MNAT1: variants seen among roughly 807,000 people sequenced by gnomAD.
The protein encoded by MNAT1 is MNAT1 component of CDK activating kinase.
A neutral mutation model predicts 42.0 loss-of-function variants in MNAT1; 43 were observed. The ratio of observed to expected loss-of-function variants is 1.02; its 90% CI spans 0.80 to 1.32. MNAT1 has a LOEUF of 1.32. Among genes scored for constraint, MNAT1 ranks in the 40% most tolerant of loss-of-function variants. The probability of loss-of-function intolerance (pLI) is 0.00; values close to 1 mark genes in which losing one functional copy is unlikely to be tolerated. For synonymous variants in MNAT1, 118 were observed against 120.0 expected, an observed-to-expected ratio of 0.98 and a Z score of 0.11; for missense variants, 306 against 350.4, an observed-to-expected ratio of 0.87 and a Z score of 1.01.
At chr14:60,914,353 T>G (rs1292835125) in intron 7 of MNAT1, among the ~76,000 whole-genome samples, 1 of 151,990 alleles carries the variant, frequency 6.6e-6, no homozygotes, top group Non-Finnish European at 1.5e-5. Context: ...GTCCGGCACT[T>G]CCCTGTGAGA....
chr14:60,880,439 T>C (rs971974843), intron 7 of MNAT1, among the ~76,000 whole-genome samples: 1 of 152,174 alleles, frequency 6.6e-6, no homozygotes, highest in Non-Finnish European at 1.5e-5. Flanking sequence ...CAGGCACAGA[T>C]GTTGCTAGAT....
intron 1 of MNAT1, among the ~76,000 whole-genome samples, chr14:60,762,647 A>T (rs951889469): frequency 1.4e-5 from 2 of 138,442 alleles, no homozygotes; most frequent in Non-Finnish European, 3.0e-5. Context: ...CGGAGGCTGC[A>T]GTGAGCAGAG....
chr14:60,893,067 T>TA (rs1001465366), intron 7 of MNAT1, among the ~76,000 whole-genome samples: 1 of 152,118 alleles, frequency 6.6e-6, no homozygotes, highest in African/African-American at 2.4e-5. Flanking sequence ...TCTTAAATCT[T>TA]ACAATGTTAT....
intron 7 of MNAT1, among the ~76,000 whole-genome samples, chr14:60,883,754 C>T (rs1594831031): frequency 1.3e-5 from 2 of 151,794 alleles, no homozygotes; most frequent in South Asian, 4.1e-4. Context: ...CAATTTTTTG[C>T]GTCAGTATTT....
intron 6 of MNAT1, among the ~76,000 whole-genome samples, chr14:60,873,971 G>A (rs1028598617): frequency 6.6e-6 from 1 of 152,022 alleles, no homozygotes; most frequent in African/African-American, 2.4e-5. Context: ...GTGATGAACA[G>A]ACATGAATAA....
At chr14:60,928,096 C>T (rs1387716798) in intron 7 of MNAT1, among the ~76,000 whole-genome samples, 1 of 152,140 alleles carries the variant, frequency 6.6e-6, no homozygotes, top group African/African-American at 2.4e-5. Flanking sequence ...CTTGCCTATT[C>T]TAGACATGTG....
At chr14:60,940,782 A>C (rs2036137399) in intron 7 of MNAT1, among the ~76,000 whole-genome samples, 1 of 152,210 alleles carries the variant, frequency 6.6e-6, no homozygotes, top group African/African-American at 2.4e-5. Context: ...ATGATGAGAT[A>C]TCTAAAAGGA....
At chr14:60,883,857 T>G (rs1252266268) in intron 7 of MNAT1, among the ~76,000 whole-genome samples, 1 of 152,130 alleles carries the variant, frequency 6.6e-6, no homozygotes, top group Non-Finnish European at 1.5e-5. Context: ...TCTTGATTTC[T>G]TTTTTAGATT....
chr14:60,779,507 G>A (rs111722674), intron 1 of MNAT1, among the ~76,000 whole-genome samples: 10 of 152,138 alleles, frequency 6.6e-5, no homozygotes, highest in African/African-American at 2.4e-4. Context: ...AGCTGTTTCC[G>A]GCTGGGCGCG....
intron 6 of MNAT1, among the ~76,000 whole-genome samples, chr14:60,843,488 T>C (rs542698789): frequency 5.3e-4 from 81 of 152,262 alleles, no homozygotes; most frequent in African/African-American, 1.8e-3. Context: ...GCCAGGCTGG[T>C]CTCAATCTCC....
At chr14:60,817,813 G>C (rs1031545750) in intron 5 of MNAT1, among the ~76,000 whole-genome samples, 1 of 151,858 alleles carries the variant, frequency 6.6e-6, no homozygotes, top group African/African-American at 2.4e-5. Context: ...CCTGGTATAG[G>C]AGATAAAAAT....
Position 60,961,858 on chromosome 14 carries a change from G to T in MNAT1, c.810-6371G>T, listed in dbSNP as rs187963792. Among the ~76,000 whole-genome samples the T allele has an allele frequency of 1.7e-3, 266 of 152,176 alleles. 5 individuals are homozygous for T. Among genetic ancestry groups the T allele is most frequent in the Admixed American group, 0.017 (265 of 15,286 alleles). The stretch of plus-strand genomic sequence containing the variant: ...TTATAAAGATATGATGAAAATTCTG[G>T]CACATAGCTGTTACTAACATGGAAT... On this transcript the variant is annotated intron_variant, in intron 7 of 7. Coordinates refer to ENST00000261245, the MANE Select transcript of MNAT1 (RefSeq NM_002431.4).
intron 7 of MNAT1, among the ~76,000 whole-genome samples, chr14:60,937,964 T>C (rs1057237154): frequency 2.0e-5 from 3 of 152,230 alleles, no homozygotes; most frequent in African/African-American, 7.2e-5. Flanking sequence ...TAGGTTGGAT[T>C]CCTAGGTATT....
intron 6 of MNAT1, among the ~76,000 whole-genome samples, chr14:60,860,515 G>T (rs1045620444): frequency 1.3e-5 from 2 of 151,718 alleles, no homozygotes; most frequent in African/African-American, 4.8e-5. Flanking sequence ...ACCACACCTG[G>T]CTAATTTTTT....
intron 6 of MNAT1, among the ~76,000 whole-genome samples, chr14:60,826,650 C>CTG (rs2033066490): frequency 6.6e-6 from 1 of 152,060 alleles, no homozygotes; most frequent in Non-Finnish European, 1.5e-5. Context: ...ATTGTGCCCT[C>CTG]TGTGTGGTGA....
intron 6 of MNAT1, among the ~76,000 whole-genome samples, chr14:60,846,579 C>T (rs142667128): frequency 6.6e-6 from 1 of 152,132 alleles, no homozygotes; most frequent in Non-Finnish European, 1.5e-5. Flanking sequence ...ACTGCTTTTG[C>T]TACAATAATA....
chr14:60,816,030 G>GAGATTTTGTTTAAA, intron 5 of MNAT1, among the ~76,000 whole-genome samples: 1 of 152,134 alleles, frequency 6.6e-6, no homozygotes, highest in African/African-American at 2.4e-5. Context: ...GTTCATGTGT[G>GAGATTTTGTTTAAA]AGATTTTGTT....
At chr14:60,843,728 T>A (rs2033609680) in intron 6 of MNAT1, among the ~76,000 whole-genome samples, 1 of 152,216 alleles carries the variant, frequency 6.6e-6, no homozygotes, top group South Asian at 2.1e-4. Flanking sequence ...ATGAATAATT[T>A]CTCTTGTCTG....
chr14:60,902,281 A>G (rs1428434202), intron 7 of MNAT1, among the ~76,000 whole-genome samples: 2 of 152,174 alleles, frequency 1.3e-5, no homozygotes, highest in Non-Finnish European at 2.9e-5. Flanking sequence ...TTTATATATA[A>G]TATAATCACA....
Sources: gnomAD v4.1 joint callset for allele counts (sites outside exome capture counted in the v4.1 genomes callset) on GRCh38, gnomAD v4.1.1 for gene constraint, MANE v1.5 for transcripts, NCBI Gene and HGNC (gene_info 2026-07-23, HGNC 2026-07-21) for gene names.